NTRK2: variants seen among roughly 807,000 people sequenced by gnomAD.
The protein encoded by NTRK2 is neurotrophic receptor tyrosine kinase 2, also known as BDNF/NT-3 growth factors receptor.
A neutral mutation model predicts 94.5 loss-of-function variants in NTRK2; 13 were observed. That is an observed-to-expected ratio of 0.14 (90% CI 0.09 to 0.22). The LOEUF (loss-of-function observed/expected upper bound fraction) is 0.22. NTRK2 is among the 10% of genes least tolerant of loss of function. The pLI is 1.00. For synonymous variants in NTRK2, 372 were observed against 407.4 expected (o/e 0.91, Z 1.05); for missense variants, 639 against 1,071.2 (o/e 0.60, Z 5.63).
intron 12 of NTRK2, among the ~76,000 whole-genome samples, chr9:84,800,201 G>T (rs1224918821): frequency 9.9e-6 from 1 of 101,262 alleles, no homozygotes; most frequent in Non-Finnish European, 2.0e-5. Flanking sequence ...TCAAGATATA[G>T]TTTCTTTCTT....
intron 14 of NTRK2, chr9:84,876,907 T>G: frequency 9.4e-7 from 1 of 1,061,500 alleles, no homozygotes; most frequent in Non-Finnish European, 1.1e-6. Context: ...TTTTTACATG[T>G]GAGATTTTTG....
intron 14 of NTRK2, among the ~76,000 whole-genome samples, chr9:84,915,456 A>G (rs917509105): frequency 6.6e-6 from 1 of 150,574 alleles, no homozygotes; most frequent in African/African-American, 2.4e-5. Flanking sequence ...TGCCTCCTCC[A>G]CTCTCTCTCT....
intron 12 of NTRK2, among the ~76,000 whole-genome samples, chr9:84,835,304 A>T (rs1279445840): frequency 6.6e-6 from 1 of 152,084 alleles, no homozygotes; most frequent in Non-Finnish European, 1.5e-5. Flanking sequence ...CAATCATCAC[A>T]GTAGATGTAT....
At chr9:84,685,286 G>A (rs956542013) in intron 2 of NTRK2, among the ~76,000 whole-genome samples, 1 of 151,072 alleles carries the variant, frequency 6.6e-6, no homozygotes, top group Non-Finnish European at 1.5e-5. Flanking sequence ...GTTTGGGCCT[G>A]TTTAGGGATC....
chr9:84,798,513 G>T (rs2069916994), intron 12 of NTRK2, among the ~76,000 whole-genome samples: 2 of 152,128 alleles, frequency 1.3e-5, no homozygotes, highest in Admixed American at 6.5e-5. Flanking sequence ...TCTGCCCTTG[G>T]CTGGCCCTGT....
At position 84,670,461 on chromosome 9, in the gene NTRK2, C is replaced by T. The variant is rs1564011862; in HGVS notation, c.-288C>T. ...TCCCGGGAGCGCCGCCGGTCGGTGC[C>T]CGGCGCGCCGGGCCATGCAGCGACG... On this transcript the variant is annotated 5_prime_UTR_variant, in exon 2 of 19. Transcript: ENST00000277120. 2 of 491,940 alleles carry T rather than the reference C, an allele frequency of 4.1e-6. No homozygotes were observed. The highest frequency in any genetic ancestry group is 7.4e-6 in the Non-Finnish European group (2 of 271,538). The allele number at this position is 491,940 out of a possible 1,614,324, so 30.5% of individuals were successfully genotyped here. A position where few individuals can be genotyped will look rare whatever the true frequency, so the allele number is the denominator to read the frequency against.
chr9:84,958,084 T>C (rs1211956863), intron 17 of NTRK2, among the ~76,000 whole-genome samples: 5 of 151,874 alleles, frequency 3.3e-5, no homozygotes, highest in East Asian at 1.9e-4. Context: ...TACCGGGAGA[T>C]GGGGGCAGGG....
rs372300875 is a variant in NTRK2, at chr9:84,708,189, G to A, written c.428+277G>A. On this transcript the variant is annotated intron_variant, in intron 5 of 18. Coordinates refer to ENST00000277120, the MANE Select transcript of NTRK2 (RefSeq NM_006180.6). The stretch of plus-strand genomic sequence containing the variant: ...TTTACATAAATAATTTCTGGTACAG[G>A]GAAAAAAGAGAAAAAGAAGGGGGCT... 7.9e-5 allele frequency among the ~76,000 whole-genome samples: 12 copies of A among 152,058 alleles called. No individual in the cohort carries two copies. The South Asian group carries it at 1.2e-3, about 16-fold the overall frequency.
intron 12 of NTRK2, among the ~76,000 whole-genome samples, chr9:84,775,456 T>C (rs2066939236): frequency 6.6e-6 from 1 of 152,208 alleles, no homozygotes; most frequent in Non-Finnish European, 1.5e-5. Flanking sequence ...ACATAAACCA[T>C]AAAGATTGTA....
Position 85,022,664 on chromosome 9 carries a change from A to G in NTRK2, c.*1227A>G, listed in dbSNP as rs187550493. 6 of 233,262 alleles carry G rather than the reference A, an allele frequency of 2.6e-5. No homozygotes were observed. In the Admixed American group the frequency reaches 3.4e-4, roughly 13 times the overall value. The allele number at this position is 233,262 out of a possible 1,614,324, so 14.4% of individuals were successfully genotyped here. A position where few individuals can be genotyped will look rare whatever the true frequency, so the allele number is the denominator to read the frequency against. On this transcript the variant is annotated 3_prime_UTR_variant, in exon 19 of 19. Coordinates refer to ENST00000277120, the MANE Select transcript of NTRK2 (RefSeq NM_006180.6). ...TCGTCGATTAATACCTTGTGTGCAG[A>G]CACTACTGCTCCAGACGTCGTTTCC...
Position 84,880,887 on chromosome 9 carries a change from G to A in NTRK2, c.1633+13456G>A, listed in dbSNP as rs1031659157. 2.0e-5 allele frequency among the ~76,000 whole-genome samples: 3 copies of A among 152,170 alleles called. No individual in the cohort carries two copies. In the South Asian group the frequency reaches 6.2e-4, roughly 32 times the overall value. ...GATAACTTTGAAAAAACCATAGTTT[G>A]GAGTATGAATTATTCAAATGTAGTT... On this transcript the variant is annotated intron_variant, in intron 14 of 18. Transcript: ENST00000277120.
At chr9:84,681,751 C>G (rs1238920053) in intron 2 of NTRK2, among the ~76,000 whole-genome samples, 1 of 152,162 alleles carries the variant, frequency 6.6e-6, no homozygotes, top group African/African-American at 2.4e-5. Context: ...CTGATCTTAT[C>G]CTGTCACTGC....
chr9:84,781,593 C>T (rs1181605337), intron 12 of NTRK2, among the ~76,000 whole-genome samples: 1 of 152,092 alleles, frequency 6.6e-6, no homozygotes, highest in South Asian at 2.1e-4. Flanking sequence ...CGGTTAAAAA[C>T]AATACCTATT....
chr9:84,902,095 T>G (rs1187125378), intron 14 of NTRK2, among the ~76,000 whole-genome samples: 1 of 151,646 alleles, frequency 6.6e-6, no homozygotes, highest in Non-Finnish European at 1.5e-5. Flanking sequence ...GCTCAGAAGG[T>G]TGAGGCAGGA....
chr9:84,685,244 G>A (rs2059636137), intron 2 of NTRK2, among the ~76,000 whole-genome samples: 1 of 151,684 alleles, frequency 6.6e-6, no homozygotes, highest in African/African-American at 2.4e-5. Flanking sequence ...ATTTAAAATA[G>A]CAATTTGGTT....
chr9:84,720,855 A>G (rs537189981), intron 6 of NTRK2, among the ~76,000 whole-genome samples: 5 of 152,336 alleles, frequency 3.3e-5, no homozygotes, highest in African/African-American at 1.2e-4. Context: ...AGAGGAATGA[A>G]CAACCTTAAA....
At chr9:84,722,248 A>AG (rs539958423) in intron 6 of NTRK2, among the ~76,000 whole-genome samples, 132 of 144,340 alleles carry the variant, frequency 9.1e-4, no homozygotes, top group East Asian at 8.4e-3. Flanking sequence ...AGAGTTTGGA[A>AG]GGGGGGGTCT....
chr9:84,743,658 G>T (rs966847726), intron 10 of NTRK2, among the ~76,000 whole-genome samples: 1 of 152,176 alleles, frequency 6.6e-6, no homozygotes, highest in Non-Finnish European at 1.5e-5. Context: ...GTTAATTCAA[G>T]ACTTTAAAAA....
Position 84,887,937 on chromosome 9 carries a change from C to G in NTRK2, c.1633+20506C>G, listed in dbSNP as rs189210898. Among the ~76,000 whole-genome samples, 383 of 152,266 alleles carry G rather than the reference C, an allele frequency of 2.5e-3. 2 individuals are homozygous for G. Among genetic ancestry groups the G allele is most frequent in the Middle Eastern group, 0.017 (5 of 294 alleles). ...TGTGGGGACAAAAGTGACACATGAT[C>G]TTACTTTCTGTCCTATTTGATTAAA... On this transcript the variant is annotated intron_variant, in intron 14 of 18. Coordinates refer to ENST00000277120, the MANE Select transcript of NTRK2 (RefSeq NM_006180.6).
Sources: allele counts gnomAD v4.1 joint callset (sites outside exome capture counted in the v4.1 genomes callset), GRCh38; gene constraint gnomAD v4.1.1; transcripts MANE v1.5; gene names NCBI Gene and HGNC (gene_info 2026-07-23, HGNC 2026-07-21).